Variants in HSPA12B observed in about 807,000 individuals in gnomAD.
HSPA12B encodes heat shock 70 kDa protein 12B.
A neutral mutation model predicts 69.3 loss-of-function variants in HSPA12B; 54 were observed. The observed-to-expected ratio is 0.78, with a 90% CI of 0.63 to 0.98. The LOEUF (loss-of-function observed/expected upper bound fraction) is 0.98, where lower values mean the gene tolerates loss of function less well. Ranked by LOEUF, HSPA12B falls within the 50% of genes least tolerant of loss-of-function variation. HSPA12B has a pLI of 0.00. For missense variants in HSPA12B, 929 were observed against 999.8 expected, an observed-to-expected ratio of 0.93 and a Z score of 0.96; for synonymous variants, 441 against 436.5, an observed-to-expected ratio of 1.01 and a Z score of -0.13.
Position 3,751,698 on chromosome 20 carries a change from G to T in HSPA12B, c.1593G>T (p.Pro531=). 2 of 1,484,106 alleles carry T rather than the reference G, an allele frequency of 1.3e-6. No homozygotes were observed. The highest frequency in any genetic ancestry group is 1.8e-6 in the Non-Finnish European group (2 of 1,121,058). The allele number at this position is 1,484,106 out of a possible 1,614,324, so 91.9% of individuals were successfully genotyped here. A position where few individuals can be genotyped will look rare whatever the true frequency, so the allele number is the denominator to read the frequency against. The stretch of plus-strand genomic sequence containing the variant: ...GCGCGGTGCTGTTCGGCCAGGCGCC[G>T]GGCGTGGTGCGGGTCCGCCGCTCGC... ...LKGAVLFGQA[P]GVVRVRRSPL... The change falls in exon 13 of 13, where the codon CCG becomes CCT. Residue 531 remains proline, a synonymous_variant. Coordinates refer to ENST00000254963, the MANE Select transcript of HSPA12B (RefSeq NM_052970.5).
Position 3,745,865 on chromosome 20 carries a change from C to T in HSPA12B, c.559-50C>T, listed in dbSNP as rs145065307. ...CTCCAGTTCCGCAGAGGGCTGAAGA[C>T]CACCCTCCCTCCAAGCCAGCTTTCC... On this transcript the variant is annotated intron_variant, in intron 6 of 12. Transcript: ENST00000254963. This position sits in a 1 kb window ranked among gnomAD's most constrained non-coding sequence, Gnocchi z 5.6. 2.9e-4 allele frequency: 439 copies of T among 1,508,582 alleles called. 2 individuals are homozygous for T. The highest frequency in any genetic ancestry group is 3.6e-4 in the Non-Finnish European group (395 of 1,083,962). The allele number at this position is 1,508,582 out of a possible 1,614,324, so 93.4% of individuals were successfully genotyped here. A position where few individuals can be genotyped will look rare whatever the true frequency, so the allele number is the denominator to read the frequency against.
chr20:3,750,416 C>T (rs1428038905), intron 11 of HSPA12B, among the ~76,000 whole-genome samples, 189 bp downstream of exon 11: 1 of 152,158 alleles, frequency 6.6e-6, no homozygotes, highest in Non-Finnish European at 1.5e-5. Flanking sequence ...CAGGCTCCAC[C>T]CACGGAATCC....
At chr20:3,741,410 T>C (rs1013001016) in intron 3 of HSPA12B, among the ~76,000 whole-genome samples, 2 of 151,912 alleles carry the variant, frequency 1.3e-5, no homozygotes, top group Non-Finnish European at 2.9e-5. Flanking sequence ...GGTGGGCAGA[T>C]TGCTTTGAGC....
At position 3,749,862 on chromosome 20, in the gene HSPA12B, GCCAGGCGGCGC is replaced by G; in HGVS notation, c.1042+11_1042+21del. The G allele has an allele frequency of 6.3e-7, 1 of 1,592,074 alleles. No homozygotes were observed. ...AGCTCTACAAGGCATCTGGTGAGTA[GCCAGGCGGCGC>G]CCCGGTACCCAGCGCGACCCGGGCT... On this transcript the variant is annotated intron_variant, in intron 10 of 12. Coordinates refer to ENST00000254963, the MANE Select transcript of HSPA12B (RefSeq NM_052970.5). The surrounding 1 kb of genome is among the most constrained non-coding windows in gnomAD (Gnocchi z 5.5).
At position 3,745,608 on chromosome 20, in the gene HSPA12B, G is replaced by T; in HGVS notation, c.558+11G>T. ...GAGCACGCCCTTCAGGTGCGCTGCG[G>T]CCCCACCTCTGCCGACTGTGGCAGG... On this transcript the variant is annotated intron_variant, in intron 6 of 12. Transcript: ENST00000254963. The surrounding 1 kb of genome is among the most constrained non-coding windows in gnomAD (Gnocchi z 5.6). 1 of 1,609,138 alleles carries T rather than the reference G, an allele frequency of 6.2e-7. No homozygotes were observed. The highest frequency in any genetic ancestry group is 1.1e-5 in the South Asian group (1 of 90,966).
rs559192965 is a variant in HSPA12B at position 3,735,505 on chromosome 20, G to A, written c.-18+2711G>A. On this transcript the variant is annotated intron_variant, in intron 1 of 12. Transcript: ENST00000254963. ...CTTGAGATGGGGTCTCACTCTTCTC[G>A]CCCAGGCTGGAGTGCAATGGCGCGA... Among the ~76,000 whole-genome samples, 38 of 146,174 alleles carry A rather than the reference G, an allele frequency of 2.6e-4. No individual in the cohort carries two copies. The East Asian group carries it at 7.6e-3, about 29-fold the overall frequency.
chr20:3,738,298 G>A (rs759805019), intron 1 of HSPA12B, among the ~76,000 whole-genome samples: 1 of 152,168 alleles, frequency 6.6e-6, no homozygotes, highest in Non-Finnish European at 1.5e-5. Flanking sequence ...GTGTCTCTCT[G>A]GGTCACTATC....
In HSPA12B at chr20:3,745,622, G is replaced by A; in HGVS notation, c.558+25G>A. ...GGTGCGCTGCGGCCCCACCTCTGCCGACTGTGGCAGGGACCCCCTATTTTC... is the reference window on the plus strand; with the variant it reads ...GGTGCGCTGCGGCCCCACCTCTGCCAACTGTGGCAGGGACCCCCTATTTTC... On this transcript the variant is annotated intron_variant, in intron 6 of 12. Coordinates refer to ENST00000254963, the MANE Select transcript of HSPA12B (RefSeq NM_052970.5). The surrounding 1 kb of genome is among the most constrained non-coding windows in gnomAD (Gnocchi z 5.6). 1.3e-6 allele frequency: 2 copies of A among 1,589,936 alleles called. No homozygotes were observed. The highest frequency in any genetic ancestry group is 1.7e-6 in the Non-Finnish European group (2 of 1,158,502).
intron 4 of HSPA12B, among the ~76,000 whole-genome samples, chr20:3,742,769 C>T (rs1409615597): frequency 6.6e-6 from 1 of 151,034 alleles, no homozygotes. Flanking sequence ...ACGATCTTAG[C>T]TCATTGCAAC....
chr20:3,749,388 G>GGGACGGAGTGTTATC lies in HSPA12B; in HGVS notation c.937+70_937+71insGGACGGAGTGTTATC. ...GCACCATATACTGATGGGGGGAAGG[G>GGGACGGAGTGTTATC]CATGTTTGCAAAGCCCGTCTCTTCC... On this transcript the variant is annotated intron_variant, in intron 9 of 12. Transcript: ENST00000254963. The surrounding 1 kb of genome is among the most constrained non-coding windows in gnomAD (Gnocchi z 5.5). 3.6e-6 allele frequency: 5 copies of GGGACGGAGTGTTATC among 1,376,634 alleles called. No individual in the cohort carries two copies. In the Admixed American group the frequency reaches 9.5e-5, roughly 26 times the overall value. 85.3% of individuals were successfully genotyped at this position (1,376,634 alleles called of 1,614,324 possible).
chr20:3,746,092 C>T (rs201498793), intron 7 of HSPA12B, 61 bp downstream of exon 7: 135 of 1,207,002 alleles, frequency 1.1e-4, no homozygotes, highest in Middle Eastern at 1.9e-4. Flanking sequence ...TGTCCCCATG[C>T]TTGCATGCAC....
At chr20:3,738,177 A>C (rs1600308754) in intron 1 of HSPA12B, among the ~76,000 whole-genome samples, 1 of 151,900 alleles carries the variant, frequency 6.6e-6, no homozygotes, top group Non-Finnish European at 1.5e-5. Flanking sequence ...TCCTCTTCCC[A>C]CCCCGCATTA....
chr20:3,745,168 C>A lies in HSPA12B; in HGVS notation c.453+80C>A. 7.7e-7 allele frequency: 1 copy of A among 1,290,408 alleles called. No homozygotes were observed. The highest frequency in any genetic ancestry group is 1.5e-5 in the African/African-American group (1 of 68,072). The allele number at this position is 1,290,408 out of a possible 1,614,324, so 79.9% of individuals were successfully genotyped here. ...CTAATGGGGGTGGGTGGGACAAAAC[C>A]AAAACGTGTGAGGACCGGCCCGATG... On this transcript the variant is annotated intron_variant, in intron 5 of 12. Coordinates refer to ENST00000254963, the MANE Select transcript of HSPA12B (RefSeq NM_052970.5). This position sits in a 1 kb window ranked among gnomAD's most constrained non-coding sequence, Gnocchi z 5.6.
chr20:3,745,703 G>A lies in HSPA12B; in HGVS notation c.558+106G>A. The stretch of plus-strand genomic sequence containing the variant: ...CCCCGACATTGGATGGGTAGCCACC[G>A]CCGGAGCTCAGAGGTCATCTTCTCC... On this transcript the variant is annotated intron_variant, in intron 6 of 12. Coordinates refer to ENST00000254963, the MANE Select transcript of HSPA12B (RefSeq NM_052970.5). The surrounding 1 kb of genome is among the most constrained non-coding windows in gnomAD (Gnocchi z 5.6). 1 of 1,076,428 alleles carries A rather than the reference G, an allele frequency of 9.3e-7. No homozygotes were observed. Among genetic ancestry groups the A allele is most frequent in the Non-Finnish European group, 1.4e-6 (1 of 714,690 alleles). 66.7% of individuals were successfully genotyped at this position (1,076,428 alleles called of 1,614,324 possible). A position where few individuals can be genotyped will look rare whatever the true frequency, so the allele number is the denominator to read the frequency against.
intron 3 of HSPA12B, among the ~76,000 whole-genome samples, chr20:3,741,351 G>A (rs780246606): frequency 6.5e-4 from 99 of 151,952 alleles, no homozygotes; most frequent in Non-Finnish European, 1.8e-4. Context: ...ATTAGCTTGG[G>A]CTGGGCATGG....
rs1184698150 is a variant in HSPA12B, at chr20:3,752,137, C to T, written c.2032C>T (p.Arg678Cys). 1 of 1,469,018 alleles carries T rather than the reference C, an allele frequency of 6.8e-7. No homozygotes were observed. Among genetic ancestry groups the T allele is most frequent in the African/African-American group, 1.5e-5 (1 of 68,026 alleles). The allele number at this position is 1,469,018 out of a possible 1,614,324, so 91.0% of individuals were successfully genotyped here. Residue 678 changes from arginine to cysteine, a missense_variant, in exon 13 of 13, where the codon CGC becomes TGC. Arg to Cys is a radical substitution (Grantham distance 180). Coordinates refer to ENST00000254963, the MANE Select transcript of HSPA12B (RefSeq NM_052970.5). Reference sequence around the variant, plus strand: ...CGACGTCAGCACCAATCGCTCCGTGCGCGCGTCCATCGACTTTCTTTCCAA... The same window carrying T: ...CGACGTCAGCACCAATCGCTCCGTGTGCGCGTCCATCGACTTTCTTTCCAA... The part of the protein sequence containing the change: ...AVDVSTNRSV[R>C]ASIDFLSN
At position 3,745,188 on chromosome 20, in the gene HSPA12B, C is replaced by A; in HGVS notation, c.453+100C>A. 9.1e-7 allele frequency: 1 copy of A among 1,104,222 alleles called. No individual in the cohort carries two copies. The allele number at this position is 1,104,222 out of a possible 1,614,324, so 68.4% of individuals were successfully genotyped here. Reference sequence around the variant, plus strand: ...AAAACCAAAACGTGTGAGGACCGGCCCGATGGAGTCGTGGCTGAGAGGGGG... The same window carrying A: ...AAAACCAAAACGTGTGAGGACCGGCACGATGGAGTCGTGGCTGAGAGGGGG... On this transcript the variant is annotated intron_variant, in intron 5 of 12. Transcript: ENST00000254963. The surrounding 1 kb of genome is among the most constrained non-coding windows in gnomAD (Gnocchi z 5.6).
intron 12 of HSPA12B, 95 bp downstream of exon 12, chr20:3,751,002 C>G (rs2088410389): frequency 2.8e-6 from 3 of 1,053,340 alleles, no homozygotes; most frequent in Middle Eastern, 2.0e-4. Context: ...CTCCACACAT[C>G]CATACACTGT....
intron 12 of HSPA12B, 88 bp downstream of exon 12, chr20:3,750,995 C>A: frequency 9.0e-7 from 1 of 1,108,796 alleles, no homozygotes; most frequent in Non-Finnish European, 1.4e-6. Flanking sequence ...TAGATACCTC[C>A]ACACATCCAT....
Sources: gnomAD v4.1 joint callset for allele counts (sites outside exome capture counted in the v4.1 genomes callset) on GRCh38, gnomAD v4.1.1 for gene constraint, Gnocchi (gnomAD v3.1) non-coding constraint, MANE v1.5 for transcripts, NCBI Gene and HGNC (gene_info 2026-07-23, HGNC 2026-07-21) for gene names.